The following IL1RAPL1 variants were observed in gnomAD, a reference collection of about 807,000 sequenced individuals.
The protein encoded by IL1RAPL1 is interleukin-1 receptor accessory protein-like 1.
IL1RAPL1 carries 3 observed loss-of-function variants against 48.4 expected under a neutral mutation model. That is an observed-to-expected ratio of 0.06 (90% CI 0.03 to 0.16). The LOEUF (loss-of-function observed/expected upper bound fraction) is 0.16. IL1RAPL1 is among the 10% of genes least tolerant of loss of function. IL1RAPL1 has a pLI of 1.00. For synonymous variants in IL1RAPL1, 185 were observed against 187.7 expected (o/e 0.99, Z 0.12); for missense variants, 349 against 530.6 (o/e 0.66, Z 3.36).
intron 3 of IL1RAPL1, among the ~76,000 whole-genome samples, chrX:29,384,061 A>G (rs943673558): frequency 2.5e-4 from 28 of 112,267 alleles, no homozygotes; most frequent in African/African-American, 9.0e-4. Flanking sequence ...GACTTCTAGG[A>G]ATTTATATAT....
chrX:29,806,792 A>C (rs1930265639), intron 6 of IL1RAPL1, among the ~76,000 whole-genome samples: 1 of 111,725 alleles, frequency 9.0e-6, no homozygotes, highest in Non-Finnish European at 1.9e-5. Flanking sequence ...GTCTCCACTC[A>C]AATTTCATGA....
At chrX:28,860,095 A>C (rs775571326) in intron 2 of IL1RAPL1, among the ~76,000 whole-genome samples, 6 of 111,897 alleles carry the variant, frequency 5.4e-5, no homozygotes, top group Non-Finnish European at 9.4e-5. Flanking sequence ...TACTAGCTAG[A>C]TATTTACATA....
intron 5 of IL1RAPL1, among the ~76,000 whole-genome samples, chrX:29,415,711 G>C (rs5927487): frequency 0.39 from 43,038 of 111,063 alleles, 6,679 homozygotes; most frequent in Middle Eastern, 0.57. Context: ...GAACCACCGC[G>C]CCCAGCCATT....
intron 5 of IL1RAPL1, among the ~76,000 whole-genome samples, chrX:29,598,453 C>T (rs1446851954): frequency 9.0e-6 from 1 of 111,625 alleles, no homozygotes; most frequent in Non-Finnish European, 1.9e-5. Context: ...ATTATGTGGT[C>T]TATCTTGGAG....
chrX:28,737,052 CTTTTCTTTTCTTTT>C (rs1569161659), intron 1 of IL1RAPL1, among the ~76,000 whole-genome samples: 7 of 18,623 alleles, frequency 3.8e-4, no homozygotes, highest in African/African-American at 1.5e-3. Context: ...ATTTCCTTTT[CTTTTCTTTTCTTTT>C]CTTTTCTTTT....
At chrX:29,941,524 A>G (rs1040854820) in intron 8 of IL1RAPL1, 127 bp from the exon 9 acceptor site, 2 of 659,022 alleles carry the variant, frequency 3.0e-6, no homozygotes, top group African/African-American at 4.3e-5. Flanking sequence ...CAAAAAGGAA[A>G]GGGGTTGTGT....
chrX:29,241,955 A>G, intron 2 of IL1RAPL1, among the ~76,000 whole-genome samples: 1 of 111,707 alleles, frequency 9.0e-6, no homozygotes, highest in Non-Finnish European at 1.9e-5. Context: ...AAGATGGCCC[A>G]GAGACACAGT....
At chrX:29,337,406 G>GA (rs1363628515) in intron 3 of IL1RAPL1, among the ~76,000 whole-genome samples, 2 of 111,208 alleles carry the variant, frequency 1.8e-5, no homozygotes, top group Non-Finnish European at 3.8e-5. Flanking sequence ...AATTTAAAGG[G>GA]AAAAAAGATT....
intron 5 of IL1RAPL1, among the ~76,000 whole-genome samples, chrX:29,485,419 A>G (rs978450764): frequency 9.0e-6 from 1 of 111,579 alleles, no homozygotes; most frequent in Non-Finnish European, 1.9e-5. Flanking sequence ...GGATTTTACA[A>G]ACACTAATCC....
intron 5 of IL1RAPL1, among the ~76,000 whole-genome samples, chrX:29,421,837 T>C (rs750810388): frequency 2.8e-4 from 31 of 112,059 alleles, no homozygotes; most frequent in African/African-American, 1.0e-3. Context: ...TATAGTCCTG[T>C]TTGCAGCCTG....
At chrX:29,785,452 AG>A (rs1929473339) in intron 6 of IL1RAPL1, among the ~76,000 whole-genome samples, 1 of 112,286 alleles carries the variant, frequency 8.9e-6, no homozygotes, top group Non-Finnish European at 1.9e-5. Flanking sequence ...TTTTTAATAA[AG>A]TTTGATAGTT....
chrX:29,360,007 C>T (rs1933355660), intron 3 of IL1RAPL1, among the ~76,000 whole-genome samples: 1 of 111,378 alleles, frequency 9.0e-6, no homozygotes, highest in African/African-American at 3.3e-5. Context: ...ATGCTATTCT[C>T]ATCTCTATAT....
intron 5 of IL1RAPL1, among the ~76,000 whole-genome samples, chrX:29,636,707 A>G (rs1378664979): frequency 9.0e-6 from 1 of 111,647 alleles, no homozygotes; most frequent in Non-Finnish European, 1.9e-5. Flanking sequence ...ATGTGTATGT[A>G]AAGCTACTCT....
At chrX:29,574,130 T>C (rs1922692315) in intron 5 of IL1RAPL1, 1 of 109,953 alleles carries the variant, frequency 9.1e-6, no homozygotes, top group Admixed American at 9.7e-5. Flanking sequence ...CTTATAATCA[T>C]GGTAGAAGGC....
intron 1 of IL1RAPL1, among the ~76,000 whole-genome samples, chrX:28,752,500 C>T (rs1452449195): frequency 1.8e-5 from 2 of 112,492 alleles, no homozygotes; most frequent in Non-Finnish European, 3.8e-5. Flanking sequence ...GCAAATTGTG[C>T]AGACCACAGG....
chrX:29,347,333 TC>T (rs1427921879), intron 3 of IL1RAPL1, among the ~76,000 whole-genome samples: 3 of 110,894 alleles, frequency 2.7e-5, no homozygotes, highest in Admixed American at 9.6e-5. Flanking sequence ...GAAAATTTCT[TC>T]TTACTGTAGA....
chrX:29,279,024 G>T lies in IL1RAPL1; in HGVS notation c.83-3914G>T, dbSNP rs1428830706. ...ATAGAAGGTGTGAGAGAGAACATGT[G>T]TGCAGATGAGGCAAACCGTTAACAA... On this transcript the variant is annotated intron_variant, in intron 2 of 10. Transcript: ENST00000378993. 4.4e-5 allele frequency among the ~76,000 whole-genome samples: 5 copies of T among 112,488 alleles called. No individual in the cohort carries two copies. In the East Asian group the frequency reaches 1.4e-3, roughly 31 times the overall value.
intron 2 of IL1RAPL1, among the ~76,000 whole-genome samples, chrX:29,193,800 AATACT>A (rs1453738135): frequency 1.8e-5 from 2 of 111,844 alleles, no homozygotes; most frequent in Non-Finnish European, 3.8e-5. Flanking sequence ...CAAAATCTAA[AATACT>A]ATATGTAGAT....
rs1933983782 is a variant in IL1RAPL1 at position 28,598,648 on chromosome X, A to T, written c.-25+10601A>T. ...GTAGGTTTTTTTTTTTTTTTTTGAG[A>T]TGGAGTTTCGCTCTTTTTTGCCCAG... On this transcript the variant is annotated intron_variant, in intron 1 of 10. Coordinates refer to ENST00000378993, the MANE Select transcript of IL1RAPL1 (RefSeq NM_014271.4). Among the ~76,000 whole-genome samples, 3 of 94,006 alleles carry T rather than the reference A, an allele frequency of 3.2e-5. No individual in the cohort carries two copies. The Admixed American group carries it at 3.6e-4, about 11-fold the overall frequency. The allele number at this position is 94,006 out of a possible 115,157, so 81.6% of individuals were successfully genotyped here.
Sources: allele counts gnomAD v4.1 joint callset (sites outside exome capture counted in the v4.1 genomes callset), GRCh38; gene constraint gnomAD v4.1.1; transcripts MANE v1.5; gene names NCBI Gene and HGNC (gene_info 2026-07-23, HGNC 2026-07-21).